The following HIBADH variants were observed in gnomAD, a reference collection of about 807,000 sequenced individuals.
HIBADH encodes the protein 3-hydroxyisobutyrate dehydrogenase, mitochondrial.
A neutral mutation model predicts 36.1 loss-of-function variants in HIBADH; 25 were observed. The ratio of observed to expected loss-of-function variants is 0.69; its 90% CI spans 0.50 to 0.97. The LOEUF (loss-of-function observed/expected upper bound fraction) is 0.97, where lower values mean the gene tolerates loss of function less well. HIBADH is among the 50% of genes least tolerant of loss of function. HIBADH has a pLI of 0.00. For synonymous variants in HIBADH, 160 were observed against 149.5 expected (o/e 1.07, Z -0.51); for missense variants, 421 against 418.0 (o/e 1.01, Z -0.06).
intron 1 of HIBADH, among the ~76,000 whole-genome samples, chr7:27,660,097 C>T (rs1008298694): frequency 1.3e-5 from 2 of 152,138 alleles, no homozygotes; most frequent in Non-Finnish European, 2.9e-5. Flanking sequence ...TGCTACTAAC[C>T]GGCAACTTTC....
chr7:27,650,114 T>C (rs1786153602), intron 1 of HIBADH, among the ~76,000 whole-genome samples: 1 of 152,114 alleles, frequency 6.6e-6, no homozygotes, highest in African/African-American at 2.4e-5. Flanking sequence ...ACACCTAATA[T>C]GTAATTTACT....
chr7:27,556,082 G>C (rs982277924), intron 4 of HIBADH, among the ~76,000 whole-genome samples: 6 of 152,068 alleles, frequency 3.9e-5, no homozygotes, highest in African/African-American at 1.4e-4. Flanking sequence ...ATAAATTACA[G>C]TATTTGAAAA....
rs185783905 is a variant in HIBADH, at chr7:27,544,972, C to T, written c.485-1872G>A. The stretch of plus-strand genomic sequence containing the variant: ...AGGTCTGTGGTAGTTCGACTCTTTC[C>T]TCATATTGATGTGGTATCATAATTA... On this transcript the variant is annotated intron_variant, in intron 4 of 7. Coordinates refer to ENST00000265395, the MANE Select transcript of HIBADH (RefSeq NM_152740.4). Among the ~76,000 whole-genome samples the T allele has an allele frequency of 3.0e-3, 459 of 152,292 alleles. 2 individuals carry two copies. The highest frequency in any genetic ancestry group is 5.2e-3 in the Non-Finnish European group (356 of 68,032).
chr7:27,606,969 T>C (rs1284488822), intron 4 of HIBADH, among the ~76,000 whole-genome samples: 2 of 152,126 alleles, frequency 1.3e-5, no homozygotes, highest in African/African-American at 4.8e-5. Context: ...CCCCACCCCC[T>C]AACCCTTGTT....
chr7:27,563,866 C>T (rs1040660514), intron 4 of HIBADH, among the ~76,000 whole-genome samples: 1 of 150,964 alleles, frequency 6.6e-6, no homozygotes, highest in Non-Finnish European at 1.5e-5. Flanking sequence ...AGCCTCTTAA[C>T]AGTGTTTTAG....
intron 4 of HIBADH, among the ~76,000 whole-genome samples, chr7:27,564,180 G>C (rs1258548411): frequency 6.6e-6 from 1 of 152,108 alleles, no homozygotes; most frequent in Non-Finnish European, 1.5e-5. Context: ...TTACAGGCGT[G>C]AGCCACCGTG....
intron 4 of HIBADH, among the ~76,000 whole-genome samples, chr7:27,608,298 G>C (rs561475188): frequency 1.3e-5 from 2 of 152,284 alleles, no homozygotes; most frequent in Admixed American, 1.3e-4. Flanking sequence ...CAAGGCAAAA[G>C]ACAGAAGGCA....
intron 2 of HIBADH, among the ~76,000 whole-genome samples, chr7:27,637,693 T>G (rs192520616): frequency 2.0e-5 from 3 of 152,276 alleles, no homozygotes; most frequent in African/African-American, 4.8e-5. Context: ...GAAAACCCCA[T>G]AGTCTCAGCC....
chr7:27,585,728 T>C (rs1383087753), intron 4 of HIBADH, among the ~76,000 whole-genome samples: 2 of 152,200 alleles, frequency 1.3e-5, no homozygotes, highest in Non-Finnish European at 2.9e-5. Context: ...CAGATTTTGG[T>C]TGTCCTAAAA....
intron 2 of HIBADH, among the ~76,000 whole-genome samples, chr7:27,646,754 G>A (rs2128296661): frequency 7.3e-6 from 1 of 137,514 alleles, no homozygotes; most frequent in Non-Finnish European, 1.5e-5. Flanking sequence ...GGACTGCAGT[G>A]GTGCAATCTC....
chr7:27,617,432 C>T (rs1192442022), intron 4 of HIBADH, among the ~76,000 whole-genome samples: 1 of 152,154 alleles, frequency 6.6e-6, no homozygotes, highest in African/African-American at 2.4e-5. Context: ...ACTATAACAA[C>T]TTATATTAAA....
intron 4 of HIBADH, among the ~76,000 whole-genome samples, chr7:27,585,270 T>C (rs1262720786): frequency 6.6e-6 from 1 of 151,884 alleles, no homozygotes. Context: ...TGTGTATGTA[T>C]GTGTATGTAT....
intron 4 of HIBADH, among the ~76,000 whole-genome samples, chr7:27,595,673 ATATT>A (rs1295734255): frequency 6.6e-6 from 1 of 151,732 alleles, no homozygotes; most frequent in African/African-American, 2.4e-5. Flanking sequence ...ATGACAGATA[ATATT>A]TATTGAATAA....
chr7:27,649,731 T>A (rs1394681503), intron 1 of HIBADH, 98 bp from the exon 2 acceptor site: 3 of 1,161,650 alleles, frequency 2.6e-6, no homozygotes, highest in Non-Finnish European at 2.3e-6. Flanking sequence ...TTTTTTTTTT[T>A]AATAAAAGAA....
At chr7:27,604,983 T>C (rs1785194077) in intron 4 of HIBADH, among the ~76,000 whole-genome samples, 1 of 152,112 alleles carries the variant, frequency 6.6e-6, no homozygotes, top group Non-Finnish European at 1.5e-5. Flanking sequence ...AGCTAAGCAT[T>C]AAACATCACT....
chr7:27,601,167 A>G (rs1785124739), intron 4 of HIBADH, among the ~76,000 whole-genome samples: 1 of 152,142 alleles, frequency 6.6e-6, no homozygotes, highest in Admixed American at 6.5e-5. Flanking sequence ...AACATAATCT[A>G]GAAAGTATCT....
intron 4 of HIBADH, among the ~76,000 whole-genome samples, chr7:27,623,612 C>G (rs1478713007): frequency 2.0e-5 from 3 of 152,124 alleles, no homozygotes; most frequent in African/African-American, 7.2e-5. Flanking sequence ...CAAGAGTGAT[C>G]TAGCCGAGAA....
intron 4 of HIBADH, among the ~76,000 whole-genome samples, chr7:27,623,591 T>C (rs2128293552): frequency 6.6e-6 from 1 of 152,234 alleles, no homozygotes; most frequent in East Asian, 1.9e-4. Context: ...ATCAGTAGCA[T>C]TTCTATAAAC....
At chr7:27,601,133 T>C (rs182955221) in intron 4 of HIBADH, among the ~76,000 whole-genome samples, 1 of 152,218 alleles carries the variant, frequency 6.6e-6, no homozygotes, top group East Asian at 1.9e-4. Flanking sequence ...ATGATGAGTA[T>C]GGGCCGGTTG....
Sources: allele counts gnomAD v4.1 joint callset (sites outside exome capture counted in the v4.1 genomes callset), GRCh38; gene constraint gnomAD v4.1.1; transcripts MANE v1.5; gene names NCBI Gene and HGNC (gene_info 2026-07-23, HGNC 2026-07-21).